Variants in SWT1 observed in about 807,000 individuals in gnomAD.
SWT1 encodes SWT1 RNA endoribonuclease homolog.
A neutral mutation model predicts 107.3 loss-of-function variants in SWT1; 33 were observed. The ratio of observed to expected loss-of-function variants is 0.31; its 90% CI spans 0.23 to 0.41. The LOEUF (loss-of-function observed/expected upper bound fraction) is 0.41. Ranked by LOEUF, SWT1 falls within the 10% of genes least tolerant of loss-of-function variation. The pLI, the probability that SWT1 is intolerant of heterozygous loss-of-function variation, is 1.00. For missense variants in SWT1, 898 were observed against 1,028.9 expected, an observed-to-expected ratio of 0.87 and a Z score of 1.74; for synonymous variants, 345 against 348.3, an observed-to-expected ratio of 0.99 and a Z score of 0.11.
intron 4 of SWT1, among the ~76,000 whole-genome samples, chr1:185,174,122 T>C (rs923656710): frequency 2.6e-5 from 4 of 152,216 alleles, no homozygotes; most frequent in African/African-American, 9.6e-5. Flanking sequence ...TATTTTACAC[T>C]TAAGCATTTA....
At chr1:185,217,705 C>T (rs985923189) in intron 14 of SWT1, among the ~76,000 whole-genome samples, 1 of 152,132 alleles carries the variant, frequency 6.6e-6, no homozygotes, top group Non-Finnish European at 1.5e-5. Flanking sequence ...AAGTGATTCT[C>T]CTGCCTCAGC....
chr1:185,250,201 C>T (rs1661905151), intron 16 of SWT1, among the ~76,000 whole-genome samples: 1 of 152,134 alleles, frequency 6.6e-6, no homozygotes, highest in South Asian at 2.1e-4. Flanking sequence ...GATCATAGCT[C>T]ACTGCAGCCT....
chr1:185,207,068 A>G (rs1372179353), intron 13 of SWT1, among the ~76,000 whole-genome samples: 2 of 152,196 alleles, frequency 1.3e-5, no homozygotes, highest in Non-Finnish European at 2.9e-5. Context: ...AAACTTTTAA[A>G]ACCATGTTTT....
At chr1:185,277,555 G>T (rs1242322562) in intron 18 of SWT1, among the ~76,000 whole-genome samples, 1 of 152,158 alleles carries the variant, frequency 6.6e-6, no homozygotes, top group Non-Finnish European at 1.5e-5. Context: ...CTCCCAACAT[G>T]CTGGGATTAC....
chr1:185,191,067 T>C lies in SWT1; in HGVS notation c.1523+425T>C, dbSNP rs78464182. On this transcript the variant is annotated intron_variant, in intron 10 of 18. Coordinates refer to ENST00000367500, the MANE Select transcript of SWT1 (RefSeq NM_017673.7). ...TGGCTTGGAGTCCTGATCTATCATT[T>C]ATCAGCATTGTGACCCTGGACAAGT... 5.9e-3 allele frequency among the ~76,000 whole-genome samples: 902 copies of C among 152,296 alleles called. 34 individuals carry two copies. In the East Asian group the frequency reaches 0.096, roughly 16 times the overall value.
intron 16 of SWT1, among the ~76,000 whole-genome samples, chr1:185,260,793 A>G (rs546726591): frequency 6.6e-6 from 1 of 152,174 alleles, no homozygotes; most frequent in Non-Finnish European, 1.5e-5. Context: ...TAGATTATAC[A>G]TGAAAAGATA....
intron 16 of SWT1, among the ~76,000 whole-genome samples, 160 bp downstream of exon 16, chr1:185,231,868 A>T (rs940672271): frequency 6.6e-6 from 1 of 152,158 alleles, no homozygotes; most frequent in African/African-American, 2.4e-5. Flanking sequence ...AAAGGAGGAT[A>T]CTTCTAACCT....
At position 185,234,345 on chromosome 1, in the gene SWT1, C is replaced by A. The variant is rs1660712538; in HGVS notation, c.2441+2637C>A. On this transcript the variant is annotated intron_variant, in intron 16 of 18. Coordinates refer to ENST00000367500, the MANE Select transcript of SWT1 (RefSeq NM_017673.7). Reference sequence around the variant, plus strand: ...TTAGGATAGTTAGCTCTTCTTGTTGCATTAATTCCTTTAGCATTATGTAAT... The same window carrying A: ...TTAGGATAGTTAGCTCTTCTTGTTGAATTAATTCCTTTAGCATTATGTAAT... Among the ~76,000 whole-genome samples, 2 of 152,140 alleles carry A rather than the reference C, an allele frequency of 1.3e-5. 1 individual carries two copies. Among genetic ancestry groups the A allele is most frequent in the South Asian group, 4.1e-4 (2 of 4,820 alleles).
At chr1:185,264,627 T>G (rs952125797) in intron 16 of SWT1, 14 of 223,102 alleles carry the variant, frequency 6.3e-5, no homozygotes, top group East Asian at 1.8e-4. Context: ...AAACTAAACA[T>G]AGAGAGGTAA....
At chr1:185,257,744 G>A (rs1348289768) in intron 16 of SWT1, among the ~76,000 whole-genome samples, 5 of 152,246 alleles carry the variant, frequency 3.3e-5, no homozygotes, top group Admixed American at 1.3e-4. Context: ...CGCCTTCTGC[G>A]TCGCTCACGC....
intron 15 of SWT1, among the ~76,000 whole-genome samples, chr1:185,228,587 T>A (rs569690062): frequency 5.3e-5 from 8 of 152,274 alleles, no homozygotes; most frequent in African/African-American, 1.9e-4. Context: ...AGTTAATACA[T>A]TGCACAGTGT....
intron 16 of SWT1, chr1:185,264,041 G>A (rs1183736609): frequency 6.6e-6 from 1 of 152,152 alleles, no homozygotes; most frequent in Non-Finnish European, 1.5e-5. Flanking sequence ...GTGTGCTCCT[G>A]GATTCTGGTA....
chr1:185,213,143 G>C (rs1299585736), intron 13 of SWT1, among the ~76,000 whole-genome samples: 2 of 151,988 alleles, frequency 1.3e-5, no homozygotes, highest in African/African-American at 4.8e-5. Flanking sequence ...AGGAACTTTT[G>C]TAAGACAGAA....
chr1:185,237,961 C>T (rs1661009830), intron 16 of SWT1, among the ~76,000 whole-genome samples: 1 of 151,108 alleles, frequency 6.6e-6, no homozygotes. Context: ...ATTGGTAGCT[C>T]TGCTACCTTT....
chr1:185,268,806 G>A (rs188960427), intron 16 of SWT1, among the ~76,000 whole-genome samples: 199 of 150,684 alleles, frequency 1.3e-3, no homozygotes, highest in African/African-American at 4.6e-3. Flanking sequence ...AAAAGAATAG[G>A]TATAAAATAT....
At chr1:185,213,958 C>G (rs1433560474) in intron 13 of SWT1, among the ~76,000 whole-genome samples, 1 of 152,104 alleles carries the variant, frequency 6.6e-6, no homozygotes, top group Non-Finnish European at 1.5e-5. Flanking sequence ...GTTGCCCAAA[C>G]TTTTTTTCTC....
chr1:185,192,303 GAGTTTTTCTT>G (rs2102413219), intron 10 of SWT1, among the ~76,000 whole-genome samples: 1 of 152,150 alleles, frequency 6.6e-6, no homozygotes, highest in Non-Finnish European at 1.5e-5. Flanking sequence ...ATGAACTCTT[GAGTTTTTCTT>G]CTCAACTCTT....
chr1:185,213,919 A>T (rs1659018361), intron 13 of SWT1, among the ~76,000 whole-genome samples: 1 of 152,126 alleles, frequency 6.6e-6, no homozygotes, highest in Non-Finnish European at 1.5e-5. Flanking sequence ...ACAGGAAAAA[A>T]ATTCTGCAGG....
At position 185,290,803 on chromosome 1, in the gene SWT1, AG is replaced by A. The variant is rs763351876; in HGVS notation, c.*1del. The A allele has an allele frequency of 1.2e-6, 2 of 1,600,416 alleles. No homozygotes were observed. Among genetic ancestry groups the A allele is most frequent in the Admixed American group, 3.4e-5 (2 of 58,202 alleles). On this transcript the variant is annotated 3_prime_UTR_variant, in exon 19 of 19. Transcript: ENST00000367500. ...AAGACATGCTCAACTATAGGATATA[AG>A]TACTGATTTGTAACTTTAAAGGAAT...
Sources: gnomAD v4.1 joint callset for allele counts (sites outside exome capture counted in the v4.1 genomes callset) on GRCh38, gnomAD v4.1.1 for gene constraint, MANE v1.5 for transcripts, NCBI Gene and HGNC (gene_info 2026-07-23, HGNC 2026-07-21) for gene names.